EVI5: variants seen among roughly 807,000 people sequenced by gnomAD.
The protein encoded by EVI5 is ecotropic viral integration site 5.
EVI5 carries 73 observed loss-of-function variants against 112.0 expected under a neutral mutation model. That is an observed-to-expected ratio of 0.65 (90% CI 0.54 to 0.79). The LOEUF (loss-of-function observed/expected upper bound fraction) is 0.79, where lower values mean the gene tolerates loss of function less well. Among genes scored for constraint, EVI5 ranks in the 30% least tolerant of loss-of-function variants. The pLI is 0.00. For synonymous variants in EVI5, 305 were observed against 319.9 expected, an observed-to-expected ratio of 0.95 and a Z score of 0.50; for missense variants, 900 against 968.8, an observed-to-expected ratio of 0.93 and a Z score of 0.94.
Position 92,508,769 on chromosome 1 carries a change from TA to T in EVI5, c.*4886del, listed in dbSNP as rs1571233437. 6.5e-6 allele frequency: 1 copy of T among 152,736 alleles called. No homozygotes were observed. Among genetic ancestry groups the T allele is most frequent in the East Asian group, 1.9e-4 (1 of 5,188 alleles). 9.5% of individuals were successfully genotyped at this position (152,736 alleles called of 1,614,324 possible). On this transcript the variant is annotated 3_prime_UTR_variant, in exon 20 of 20. Transcript: ENST00000684568. Reference sequence around the variant, plus strand: ...AACATTTCAGGTTATCATACAATGTTACAATAAAAAATTCCAATAGCAAAAT... The same window carrying T: ...AACATTTCAGGTTATCATACAATGTTCAATAAAAAATTCCAATAGCAAAAT...
intron 19 of EVI5, among the ~76,000 whole-genome samples, chr1:92,557,393 C>T (rs1276466882): frequency 9.2e-5 from 14 of 151,964 alleles, no homozygotes; most frequent in South Asian, 2.1e-4. Context: ...AAGCCATTCT[C>T]GTGCTTCAGC....
At chr1:92,752,234 G>A (rs1283788534) in intron 1 of EVI5, among the ~76,000 whole-genome samples, 1 of 151,828 alleles carries the variant, frequency 6.6e-6, no homozygotes, top group Non-Finnish European at 1.5e-5. Context: ...GAGTACAGTG[G>A]CACAATCTCA....
intron 16 of EVI5, among the ~76,000 whole-genome samples, chr1:92,615,666 C>A (rs1328239749): frequency 6.6e-6 from 1 of 152,046 alleles, no homozygotes; most frequent in Non-Finnish European, 1.5e-5. Flanking sequence ...GGAGATGAAC[C>A]CTGCGCTGCT....
rs1476837007 is a variant in EVI5, at chr1:92,522,089, T to C, written c.2167-8119A>G. ...ATTTCTTGTTGTCATAATCTTTTACTGGCTGCACGGTATCTCATTTAGCAA... is the reference window on the plus strand; with the variant it reads ...ATTTCTTGTTGTCATAATCTTTTACCGGCTGCACGGTATCTCATTTAGCAA... On this transcript the variant is annotated intron_variant, in intron 19 of 19. Transcript: ENST00000684568. 2.0e-5 allele frequency among the ~76,000 whole-genome samples: 3 copies of C among 152,246 alleles called. No homozygotes were observed. The East Asian group carries it at 5.8e-4, about 29-fold the overall frequency.
intron 19 of EVI5, among the ~76,000 whole-genome samples, chr1:92,541,421 C>A (rs1557744541): frequency 6.6e-6 from 1 of 152,088 alleles, no homozygotes; most frequent in Non-Finnish European, 1.5e-5. Flanking sequence ...GAATGTACAT[C>A]AAAACCATAA....
At chr1:92,559,773 CAAAAA>C (rs34723950) in intron 19 of EVI5, among the ~76,000 whole-genome samples, 14 of 47,502 alleles carry the variant, frequency 2.9e-4, no homozygotes, top group Non-Finnish European at 4.4e-4. Flanking sequence ...GACTCCCTCT[CAAAAA>C]AAAAAAAAAA....
At chr1:92,514,217 G>C (rs193013377) in intron 19 of EVI5, among the ~76,000 whole-genome samples, 45 of 152,108 alleles carry the variant, frequency 3.0e-4, no homozygotes, top group Admixed American at 8.5e-4. Flanking sequence ...GCAGTGGTGC[G>C]ATCTCGGCTC....
chr1:92,631,861 AC>A (rs1657210137), intron 14 of EVI5, among the ~76,000 whole-genome samples: 2 of 152,094 alleles, frequency 1.3e-5, no homozygotes, highest in Admixed American at 6.5e-5. Context: ...TCCCATTGAT[AC>A]CTAATTTATT....
chr1:92,713,813 T>C (rs1388057335), intron 2 of EVI5, among the ~76,000 whole-genome samples: 1 of 152,154 alleles, frequency 6.6e-6, no homozygotes, highest in Non-Finnish European at 1.5e-5. Flanking sequence ...TTCATTCTCA[T>C]ATCTCAGCCC....
At chr1:92,788,987 G>A (rs773506392), upstream of EVI5, among the ~76,000 whole-genome samples, 1 of 152,090 alleles carries the variant, frequency 6.6e-6, no homozygotes, top group Non-Finnish European at 1.5e-5. Flanking sequence ...ATATGAAGAA[G>A]CTGAAATTTA....
At chr1:92,561,796 C>G (rs536799441) in intron 19 of EVI5, among the ~76,000 whole-genome samples, 3 of 152,178 alleles carry the variant, frequency 2.0e-5, no homozygotes, top group East Asian at 3.9e-4. Context: ...ACCACCATGC[C>G]TGGCTAATTT....
At chr1:92,747,979 A>G (rs577210189) in intron 1 of EVI5, among the ~76,000 whole-genome samples, 1 of 152,164 alleles carries the variant, frequency 6.6e-6, no homozygotes, top group East Asian at 1.9e-4. Context: ...TATCTTCCCT[A>G]ATTACATTTA....
At chr1:92,738,354 T>C (rs1049533116) in intron 1 of EVI5, among the ~76,000 whole-genome samples, 8 of 152,080 alleles carry the variant, frequency 5.3e-5, no homozygotes, top group African/African-American at 1.7e-4. Flanking sequence ...GTATAAAATT[T>C]ACAGAAAAAC....
At chr1:92,562,789 T>C (rs1668832881) in intron 19 of EVI5, among the ~76,000 whole-genome samples, 1 of 152,200 alleles carries the variant, frequency 6.6e-6, no homozygotes, top group Admixed American at 6.5e-5. Flanking sequence ...AAGGGTGTAA[T>C]ACCAGGAAAG....
At chr1:92,783,808 C>CAAAA (rs58484805) in intron 1 of EVI5, among the ~76,000 whole-genome samples, 53 of 93,798 alleles carry the variant, frequency 5.7e-4, no homozygotes, top group Middle Eastern at 4.6e-3. Context: ...GACTCCCTGT[C>CAAAA]AAAAAAAAAA....
At chr1:92,779,865 GC>G (rs1286110285) in intron 1 of EVI5, among the ~76,000 whole-genome samples, 1 of 152,150 alleles carries the variant, frequency 6.6e-6, no homozygotes, top group Non-Finnish European at 1.5e-5. Flanking sequence ...GAGGCATGGG[GC>G]TAAAGAGAAA....
intron 18 of EVI5, among the ~76,000 whole-genome samples, chr1:92,585,647 T>TA (rs997214977): frequency 1.3e-5 from 2 of 151,968 alleles, no homozygotes; most frequent in Non-Finnish European, 2.9e-5. Flanking sequence ...AAACTAGTTT[T>TA]AAAAAAAATT....
intron 2 of EVI5, among the ~76,000 whole-genome samples, chr1:92,709,234 T>C (rs997219539): frequency 2.0e-5 from 3 of 152,216 alleles, no homozygotes; most frequent in Non-Finnish European, 4.4e-5. Context: ...TCTAATATGA[T>C]AGAAACTTTC....
chr1:92,737,723 T>TCTCCACTTC (rs1308949498), intron 1 of EVI5, among the ~76,000 whole-genome samples: 1 of 152,128 alleles, frequency 6.6e-6, no homozygotes, highest in Admixed American at 6.6e-5. Flanking sequence ...TTTTTCTCTG[T>TCTCCACTTC]CTCCACTTCC....
Sources: allele counts gnomAD v4.1 joint callset (sites outside exome capture counted in the v4.1 genomes callset), GRCh38; gene constraint gnomAD v4.1.1; transcripts MANE v1.5; gene names NCBI Gene and HGNC (gene_info 2026-07-23, HGNC 2026-07-21).